Variants in FZD3 observed in about 807,000 individuals in gnomAD.
FZD3 encodes frizzled class receptor 3.
FZD3 carries 30 observed loss-of-function variants against 60.7 expected under a neutral mutation model. The ratio of observed to expected loss-of-function variants is 0.49; its 90% confidence interval spans 0.37 to 0.67. FZD3 has a LOEUF of 0.67. Ranked by LOEUF, FZD3 falls within the 30% of genes least tolerant of loss-of-function variation. The pLI is 0.00. For missense variants in FZD3, 605 were observed against 838.7 expected (o/e 0.72, Z 3.44); for synonymous variants, 246 against 275.2 (o/e 0.89, Z 1.05).
At chr8:28,557,209 C>CAA (rs34146681) in intron 7 of FZD3, among the ~76,000 whole-genome samples, 17 of 117,912 alleles carry the variant, frequency 1.4e-4, no homozygotes, top group African/African-American at 3.6e-4. Context: ...AACTCTGTCT[C>CAA]AAAAAAAAAA....
At chr8:28,499,442 C>T (rs926683858) in intron 1 of FZD3, among the ~76,000 whole-genome samples, 12 of 152,020 alleles carry the variant, frequency 7.9e-5, no homozygotes, top group Admixed American at 2.6e-4. Context: ...TCAGTTGTTA[C>T]CAGCTTTTAG....
intron 1 of FZD3, among the ~76,000 whole-genome samples, chr8:28,498,031 G>A (rs1384420066): frequency 6.6e-6 from 1 of 152,206 alleles, no homozygotes; most frequent in Non-Finnish European, 1.5e-5. Context: ...AATTCCTGAT[G>A]TTATACATTC....
At chr8:28,555,587 C>T (rs1805493266) in intron 6 of FZD3, 151 bp from the exon 7 acceptor site, 1 of 611,806 alleles carries the variant, frequency 1.6e-6, no homozygotes, top group Non-Finnish European at 2.9e-6. Flanking sequence ...CTATTCTTTC[C>T]TCTGTCAACA....
In FZD3 at chr8:28,565,064, T is replaced by G. The variant is rs1805683212; in HGVS notation, c.*2053T>G. The G allele has an allele frequency of 1.0e-5, 1 of 97,596 alleles. No homozygotes were observed. The highest frequency in any genetic ancestry group is 2.2e-5 in the Non-Finnish European group (1 of 45,834). The allele number at this position is 97,596 out of a possible 1,614,324, so 6.0% of individuals were successfully genotyped here. On this transcript the variant is annotated 3_prime_UTR_variant, in exon 8 of 8. Transcript: ENST00000240093. ...TCATGTATACTTTCTTTCTTACCCT[T>G]TAAAACAAACTGCCAAGAAATTAGG...
At chr8:28,535,357 T>C (rs1262376548) in intron 5 of FZD3, among the ~76,000 whole-genome samples, 1 of 152,222 alleles carries the variant, frequency 6.6e-6, no homozygotes, top group East Asian at 1.9e-4. Context: ...CTTATATCAC[T>C]ATGGTACATC....
chr8:28,550,716 C>A (rs945072497), intron 5 of FZD3, among the ~76,000 whole-genome samples: 4 of 151,654 alleles, frequency 2.6e-5, no homozygotes, highest in Admixed American at 1.3e-4. Context: ...GGTCTTGAAC[C>A]CCTGACCTCA....
chr8:28,505,854 T>G (rs1804125803), intron 3 of FZD3, among the ~76,000 whole-genome samples: 1 of 152,232 alleles, frequency 6.6e-6, no homozygotes, highest in Non-Finnish European at 1.5e-5. Context: ...TTGGGACATG[T>G]TTAAATAGAT....
In FZD3 at chr8:28,526,302, C is replaced by A. The variant is rs576965807; in HGVS notation, c.387-845C>A. Among the ~76,000 whole-genome samples, 6 of 152,258 alleles carry A rather than the reference C, an allele frequency of 3.9e-5. No homozygotes were observed. In the South Asian group the frequency reaches 1.2e-3, roughly 32 times the overall value. On this transcript the variant is annotated intron_variant, in intron 4 of 7. Transcript: ENST00000240093. ...TATTCCAGCAATAACACACCCTGTT[C>A]AAACATCTATGCCTATGCTTATATT...
chr8:28,542,553 G>A (rs1207213760), intron 5 of FZD3, among the ~76,000 whole-genome samples: 2 of 152,076 alleles, frequency 1.3e-5, no homozygotes, highest in East Asian at 1.9e-4. Context: ...TAGGAGAATC[G>A]CTTGAACCCA....
In FZD3 at chr8:28,527,065, C is replaced by A; in HGVS notation, c.387-82C>A. On this transcript the variant is annotated intron_variant, in intron 4 of 7. Coordinates refer to ENST00000240093, the MANE Select transcript of FZD3 (RefSeq NM_017412.4). The surrounding 1 kb of genome is among the most constrained non-coding windows in gnomAD (Gnocchi z 5.0). ...CCAGGAATAAATAAGGTTGTGAGTGCCAGATTTGGAAATCCAAACTGTTAG... is the reference window on the plus strand; with the variant it reads ...CCAGGAATAAATAAGGTTGTGAGTGACAGATTTGGAAATCCAAACTGTTAG... 1 of 1,170,708 alleles carries A rather than the reference C, an allele frequency of 8.5e-7. No individual in the cohort carries two copies. The highest frequency in any genetic ancestry group is 1.2e-6 in the Non-Finnish European group (1 of 821,378). The allele number at this position is 1,170,708 out of a possible 1,614,324, so 72.5% of individuals were successfully genotyped here.
At position 28,572,484 on chromosome 8, in the gene FZD3, A is replaced by G. The variant is rs1215259883; in HGVS notation, c.*9473A>G. The G allele has an allele frequency of 6.6e-6, 1 of 152,216 alleles. No homozygotes were observed. The highest frequency in any genetic ancestry group is 1.5e-5 in the Non-Finnish European group (1 of 68,034). The allele number at this position is 152,216 out of a possible 1,614,324, so 9.4% of individuals were successfully genotyped here. A position where few individuals can be genotyped will look rare whatever the true frequency, so the allele number is the denominator to read the frequency against. Reference sequence around the variant, plus strand: ...CCAGTTTTTAAAAGTGTTTTATCAAAATGACTTCATAATTGAAGCAAATAC... The same window carrying G: ...CCAGTTTTTAAAAGTGTTTTATCAAGATGACTTCATAATTGAAGCAAATAC... On this transcript the variant is annotated 3_prime_UTR_variant, in exon 8 of 8. Coordinates refer to ENST00000240093, the MANE Select transcript of FZD3 (RefSeq NM_017412.4).
intron 1 of FZD3, 142 bp from the exon 2 acceptor site, chr8:28,499,791 T>C (rs1402647915): frequency 6.6e-6 from 1 of 152,196 alleles, no homozygotes; most frequent in East Asian, 1.9e-4. Flanking sequence ...TCTTGGCTGT[T>C]TGTATTTCTT....
chr8:28,523,741 C>A (rs1446152271), intron 4 of FZD3, among the ~76,000 whole-genome samples: 2 of 152,130 alleles, frequency 1.3e-5, no homozygotes, highest in Non-Finnish European at 2.9e-5. Context: ...CCTCTGAATA[C>A]CACTGCAGTG....
At chr8:28,524,413 TGTCTTG>T (rs1335770287) in intron 4 of FZD3, among the ~76,000 whole-genome samples, 3 of 152,336 alleles carry the variant, frequency 2.0e-5, no homozygotes, top group African/African-American at 7.2e-5. Context: ...TGTAACCACT[TGTCTTG>T]GTCAGAAAAA....
chr8:28,530,457 G>A (rs1206939349), intron 5 of FZD3: 4 of 152,056 alleles, frequency 2.6e-5, no homozygotes, highest in African/African-American at 7.2e-5. Flanking sequence ...TTCTGATCTC[G>A]GAAGCTAAGC....
intron 3 of FZD3, among the ~76,000 whole-genome samples, chr8:28,508,626 G>A (rs1239661486): frequency 6.6e-6 from 1 of 151,818 alleles, no homozygotes; most frequent in African/African-American, 2.4e-5. Context: ...TCAGCCTCCT[G>A]AGTAGCTGGG....
At position 28,527,228 on chromosome 8, in the gene FZD3, A is replaced by C. The variant is rs768944342; in HGVS notation, c.468A>C (p.Ala156=). ...AGEPTEGAPV[A]VQRDYGFWCP... is the part of the protein sequence containing the mutation. Reference sequence around the variant, plus strand: ...AACCAACTGAAGGAGCCCCAGTGGCAGTGCAGAGAGACTATGGTTTTTGGT... The same window carrying C: ...AACCAACTGAAGGAGCCCCAGTGGCCGTGCAGAGAGACTATGGTTTTTGGT... Residue 156 remains alanine, a synonymous_variant, in exon 5 of 8, where the codon GCA becomes GCC. Transcript: ENST00000240093. The surrounding 1 kb of genome is among the most constrained non-coding windows in gnomAD (Gnocchi z 5.0). 2.5e-6 allele frequency: 4 copies of C among 1,613,934 alleles called. No homozygotes were observed. The Admixed American group carries it at 6.7e-5, about 27-fold the overall frequency.
intron 5 of FZD3, among the ~76,000 whole-genome samples, chr8:28,540,816 G>A (rs1378495481): frequency 6.6e-6 from 1 of 152,028 alleles, no homozygotes; most frequent in Non-Finnish European, 1.5e-5. Context: ...GTGGTGGCGG[G>A]TGCCTGTAAT....
chr8:28,517,603 CT>C (rs1363462797), intron 3 of FZD3, among the ~76,000 whole-genome samples: 2 of 152,070 alleles, frequency 1.3e-5, no homozygotes, highest in Non-Finnish European at 2.9e-5. Context: ...GTTTCTTACC[CT>C]TTTTTCTGTA....
Sources: gnomAD v4.1 joint callset for allele counts (sites outside exome capture counted in the v4.1 genomes callset) on GRCh38, gnomAD v4.1.1 for gene constraint, Gnocchi (gnomAD v3.1) non-coding constraint, MANE v1.5 for transcripts, NCBI Gene and HGNC (gene_info 2026-07-23, HGNC 2026-07-21) for gene names.